Variants in FAM184A observed in about 807,000 individuals in gnomAD.
The protein encoded by FAM184A is family with sequence similarity 184 member A.
Under a neutral mutation model 143.8 loss-of-function variants are expected in FAM184A, and 99 were observed. That is an observed-to-expected ratio of 0.69 (90% CI 0.58 to 0.81). FAM184A has a LOEUF of 0.81. Ranked by LOEUF, FAM184A falls within the 40% of genes least tolerant of loss-of-function variation. The pLI, the probability that FAM184A is intolerant of heterozygous loss-of-function variation, is 0.00. For synonymous variants in FAM184A, 427 were observed against 446.4 expected (o/e 0.96, Z 0.55); for missense variants, 1,217 against 1,310.5 (o/e 0.93, Z 1.10).
chr6:119,011,404 T>C lies in FAM184A; in HGVS notation c.1558A>G (p.Lys520Glu). The change falls in exon 6 of 18, where the codon AAA becomes GAA. Residue 520 changes from lysine to glutamate, a missense_variant. Lys to Glu is a moderately conservative substitution (Grantham distance 56). Coordinates refer to ENST00000338891, the MANE Select transcript of FAM184A (RefSeq NM_024581.6). ...TTTTTATCCTCTTCCAGGTTTAGTT[T>C]ATCTTTGTTATGTTGTTCTTCCAAA... Reference protein sequence around the residue: ...MDLEEQHNKDKLNLEEDKNQL... With the variant: ...MDLEEQHNKDELNLEEDKNQL... The C allele has an allele frequency of 6.4e-7, 1 of 1,559,502 alleles. No homozygotes were observed. The highest frequency in any genetic ancestry group is 1.2e-5 in the South Asian group (1 of 84,776).
At chr6:119,102,744 C>T (rs1358250577) in intron 1 of FAM184A, among the ~76,000 whole-genome samples, 3 of 126,094 alleles carry the variant, frequency 2.4e-5, no homozygotes, top group South Asian at 2.5e-4. Context: ...GAGCTGAGAT[C>T]GAGCCATTGC....
chr6:119,027,798 T>C (rs1785710527), intron 1 of FAM184A, among the ~76,000 whole-genome samples: 1 of 152,164 alleles, frequency 6.6e-6, no homozygotes. Flanking sequence ...AAGGGGGAAA[T>C]GAAGACTAAA....
intron 1 of FAM184A, among the ~76,000 whole-genome samples, chr6:119,145,052 C>T (rs570390086): frequency 6.6e-6 from 1 of 152,326 alleles, no homozygotes; most frequent in East Asian, 1.9e-4. Context: ...GACCTCTAGG[C>T]ATGGCATGTC....
chr6:119,023,009 T>G lies in FAM184A; in HGVS notation c.1086A>C (p.Glu362Asp). The G allele has an allele frequency of 6.2e-7, 1 of 1,614,216 alleles. No individual in the cohort carries two copies. The highest frequency in any genetic ancestry group is 8.5e-7 in the Non-Finnish European group (1 of 1,180,030). Residue 362 changes from glutamate to aspartate, a missense_variant, in exon 3 of 18, where the codon GAA (glutamate) becomes GAC (aspartate). Physicochemically the swap from Glu to Asp is conservative, Grantham distance 45. Coordinates refer to ENST00000338891, the MANE Select transcript of FAM184A (RefSeq NM_024581.6). ...MALLSKHKEVESELAAARERL... is the reference protein window; with the variant it reads ...MALLSKHKEVDSELAAARERL... Reference sequence around the variant, plus strand: ...GTTCTCTGGCAGCTGCTAGCTCACTTTCCACTTCTTTGTGCTTGCTTAATA... The same window carrying G: ...GTTCTCTGGCAGCTGCTAGCTCACTGTCCACTTCTTTGTGCTTGCTTAATA...
intron 1 of FAM184A, among the ~76,000 whole-genome samples, chr6:119,097,759 T>C (rs1162711647): frequency 6.6e-6 from 1 of 152,216 alleles, no homozygotes; most frequent in Non-Finnish European, 1.5e-5. Context: ...AAACAGAATC[T>C]GTCTCTCTCT....
At chr6:119,075,686 T>C (rs952639446) in intron 1 of FAM184A, among the ~76,000 whole-genome samples, 1 of 152,220 alleles carries the variant, frequency 6.6e-6, no homozygotes, top group Non-Finnish European at 1.5e-5. Context: ...GTTCCAACCA[T>C]AGTTGGAACA....
chr6:119,057,032 C>G (rs941682899), intron 1 of FAM184A, among the ~76,000 whole-genome samples: 2 of 152,146 alleles, frequency 1.3e-5, no homozygotes, highest in African/African-American at 4.8e-5. Flanking sequence ...GGAATCAGAC[C>G]TTGAGCAGTA....
chr6:118,994,042 C>T (rs772841028), intron 9 of FAM184A, among the ~76,000 whole-genome samples: 2 of 152,156 alleles, frequency 1.3e-5, no homozygotes, highest in Admixed American at 6.5e-5. Flanking sequence ...ACACACTGCC[C>T]GCTCTGCTCA....
chr6:118,991,767 T>TG lies in FAM184A; in HGVS notation c.2088+11131_2088+11132insC, dbSNP rs1262235948. Among the ~76,000 whole-genome samples, 10 of 128,664 alleles carry TG rather than the reference T, an allele frequency of 7.8e-5. No individual in the cohort carries two copies. The East Asian group carries it at 2.2e-3, about 28-fold the overall frequency. The allele number at this position is 128,664 out of a possible 152,430, so 84.4% of individuals were successfully genotyped here. A position where few individuals can be genotyped will look rare whatever the true frequency, so the allele number is the denominator to read the frequency against. On this transcript the variant is annotated intron_variant, in intron 9 of 17. Transcript: ENST00000338891. ...CTGAGAGGACTTTTTTTTTTTTTTT[T>TG]TTTTTTTTTTTTTGAGACAGAGTCT... is the stretch of plus-strand genomic sequence containing the variant.
At chr6:119,023,118 A>G (rs748134621) in intron 2 of FAM184A, 38 bp from the exon 3 acceptor site, 2 of 1,606,232 alleles carry the variant, frequency 1.2e-6, no homozygotes, top group South Asian at 1.1e-5. Flanking sequence ...AAATGCAGGA[A>G]TAATACTAAG....
chr6:119,090,182 T>C (rs749856771), intron 1 of FAM184A, among the ~76,000 whole-genome samples: 1 of 152,226 alleles, frequency 6.6e-6, no homozygotes, highest in Non-Finnish European at 1.5e-5. Context: ...GGAAAAGCCA[T>C]TGAAGGACAC....
chr6:119,013,529 G>A (rs1051142073), intron 5 of FAM184A, among the ~76,000 whole-genome samples: 6 of 152,140 alleles, frequency 3.9e-5, no homozygotes, highest in Admixed American at 2.6e-4. Flanking sequence ...CTCTGAACAC[G>A]TGATACAGGC....
chr6:119,068,574 G>A (rs1787555124), intron 1 of FAM184A, among the ~76,000 whole-genome samples: 1 of 152,180 alleles, frequency 6.6e-6, no homozygotes, highest in Admixed American at 6.5e-5. Context: ...AGTGGTGAAG[G>A]TGAACTTCAA....
intron 10 of FAM184A, among the ~76,000 whole-genome samples, chr6:118,979,790 C>T (rs951223781): frequency 6.6e-6 from 1 of 151,998 alleles, no homozygotes; most frequent in Non-Finnish European, 1.5e-5. Flanking sequence ...CCCTTGTAAT[C>T]CCAGCAGTTT....
intron 1 of FAM184A, among the ~76,000 whole-genome samples, chr6:119,040,240 C>A (rs1458341228): frequency 6.6e-6 from 1 of 152,184 alleles, no homozygotes; most frequent in Non-Finnish European, 1.5e-5. Context: ...TTGCTGTGGA[C>A]CCGTATGGAT....
At chr6:119,009,903 C>T (rs1785039502) in intron 6 of FAM184A, among the ~76,000 whole-genome samples, 2 of 152,108 alleles carry the variant, frequency 1.3e-5, no homozygotes, top group Non-Finnish European at 2.9e-5. Context: ...TTCGTATATA[C>T]TTACTAGCAA....
chr6:119,025,975 C>T (rs1255393317), intron 1 of FAM184A, among the ~76,000 whole-genome samples: 3 of 152,166 alleles, frequency 2.0e-5, no homozygotes, highest in Admixed American at 2.0e-4. Flanking sequence ...ACCACAGTAA[C>T]TCCAGATCCC....
intron 12 of FAM184A, 22 bp from the exon 13 acceptor site, chr6:118,975,230 T>C: frequency 6.9e-7 from 1 of 1,451,956 alleles, no homozygotes; most frequent in Non-Finnish European, 9.3e-7. Context: ...AAAAAGTCAT[T>C]TTTAGAAGTT....
At chr6:119,095,133 C>T (rs1285998021) in intron 1 of FAM184A, among the ~76,000 whole-genome samples, 2 of 152,172 alleles carry the variant, frequency 1.3e-5, no homozygotes, top group Non-Finnish European at 2.9e-5. Flanking sequence ...AGAGCATCTA[C>T]TTTATCACAA....
Sources: gnomAD v4.1 joint callset for allele counts (sites outside exome capture counted in the v4.1 genomes callset) on GRCh38, gnomAD v4.1.1 for gene constraint, MANE v1.5 for transcripts, NCBI Gene and HGNC (gene_info 2026-07-23, HGNC 2026-07-21) for gene names.